Variants in DTD1 observed in about 807,000 individuals in gnomAD.
The protein encoded by DTD1 is D-aminoacyl-tRNA deacylase 1.
DTD1 carries 13 observed loss-of-function variants against 25.6 expected under a neutral mutation model. That is an observed-to-expected ratio of 0.51 (90% confidence interval 0.33 to 0.81). DTD1 has a LOEUF of 0.81. DTD1 is among the 30% of genes least tolerant of loss of function. DTD1 has a pLI of 0.02. For synonymous variants in DTD1, 110 were observed against 103.6 expected, an observed-to-expected ratio of 1.06 and a Z score of -0.37; for missense variants, 193 against 266.4, an observed-to-expected ratio of 0.72 and a Z score of 1.92.
intron 2 of DTD1, 147 bp downstream of exon 2, chr20:18,593,968 T>A: frequency 1.5e-6 from 1 of 674,394 alleles, no homozygotes; most frequent in Non-Finnish European, 2.7e-6. Context: ...ATCTCCGTGT[T>A]TCAGAGAAGA....
In DTD1 at chr20:18,688,780, G is replaced by A. The variant is rs145226768; in HGVS notation, c.478-55320G>A. 2.9e-3 allele frequency among the ~76,000 whole-genome samples: 446 copies of A among 152,254 alleles called. 6 individuals carry two copies. The highest frequency in any genetic ancestry group is 0.019 in the Admixed American group (293 of 15,300). On this transcript the variant is annotated intron_variant, in intron 4 of 5. Transcript: ENST00000377452. ...AGAGCCAAGATCTCCTTCCAGGAAT[G>A]TGGTGTTTAATTGGGTAACCCGTGT...
At chr20:18,716,641 G>T (rs2061181905) in intron 4 of DTD1, among the ~76,000 whole-genome samples, 1 of 152,318 alleles carries the variant, frequency 6.6e-6, no homozygotes, top group East Asian at 1.9e-4. Context: ...CTGTGGTGTT[G>T]TAAATTTCAA....
chr20:18,658,330 C>CTT (rs1401329441), intron 4 of DTD1, among the ~76,000 whole-genome samples: 1 of 140,798 alleles, frequency 7.1e-6, no homozygotes. Flanking sequence ...TACTTAATTT[C>CTT]TTTTTTTTTT....
intron 4 of DTD1, among the ~76,000 whole-genome samples, chr20:18,738,783 C>T (rs73268454): frequency 0.025 from 3,806 of 152,076 alleles, 142 homozygotes; most frequent in African/African-American, 0.085. Context: ...TGAGTAGCTG[C>T]GGTGTAGGCA....
At chr20:18,761,652 A>C (rs2061363342) in intron 5 of DTD1, among the ~76,000 whole-genome samples, 1 of 152,234 alleles carries the variant, frequency 6.6e-6, no homozygotes, top group Non-Finnish European at 1.5e-5. Flanking sequence ...GTAAAAGAAA[A>C]ATACGTTCAA....
intron 4 of DTD1, among the ~76,000 whole-genome samples, chr20:18,680,932 G>A (rs1243909273): frequency 2.0e-5 from 3 of 152,112 alleles, no homozygotes; most frequent in African/African-American, 7.2e-5. Context: ...AGCTGTTACT[G>A]CGTCCCCAGG....
At chr20:18,612,573 G>A (rs1391632593) in intron 3 of DTD1, among the ~76,000 whole-genome samples, 1 of 152,164 alleles carries the variant, frequency 6.6e-6, no homozygotes, top group Non-Finnish European at 1.5e-5. Context: ...CGAACCAGCA[G>A]CTGTCTCTAG....
In DTD1 at chr20:18,757,890, C is replaced by G. The variant is rs1205669446; in HGVS notation, c.*20-5470C>G. On this transcript the variant is annotated intron_variant, in intron 5 of 5. Transcript: ENST00000377452. ...CCTCTGGTAGGATTCAGCTGTGAAT[C>G]CATCTGGTCCTGGACTTTTTTTGGT... Among the ~76,000 whole-genome samples the G allele has an allele frequency of 2.0e-5, 3 of 152,184 alleles. No individual in the cohort carries two copies. In the East Asian group the frequency reaches 5.8e-4, roughly 29 times the overall value.
At chr20:18,757,532 T>TA (rs1226086281) in intron 5 of DTD1, among the ~76,000 whole-genome samples, 22 of 152,368 alleles carry the variant, frequency 1.4e-4, no homozygotes, top group African/African-American at 5.0e-4. Context: ...GAGATAATCA[T>TA]GTGGTTTTTG....
chr20:18,634,106 C>G (rs2060798508), intron 4 of DTD1, among the ~76,000 whole-genome samples: 1 of 152,234 alleles, frequency 6.6e-6, no homozygotes, highest in African/African-American at 2.4e-5. Flanking sequence ...GTAGGAACAT[C>G]CTGCTTATTA....
intron 4 of DTD1, among the ~76,000 whole-genome samples, chr20:18,676,179 A>G (rs914142275): frequency 2.0e-5 from 3 of 152,102 alleles, no homozygotes; most frequent in African/African-American, 2.4e-5. Context: ...CAGACCTGTA[A>G]TGCTGGGGTA....
At chr20:18,600,322 G>A (rs1600308787) in intron 3 of DTD1, among the ~76,000 whole-genome samples, 1 of 151,788 alleles carries the variant, frequency 6.6e-6, no homozygotes, top group East Asian at 1.9e-4. Context: ...TTTTGTATGT[G>A]GATATCCAGT....
chr20:18,754,759 A>G (rs16979602), intron 5 of DTD1, among the ~76,000 whole-genome samples: 5,567 of 152,324 alleles, frequency 0.037, 217 homozygotes, highest in African/African-American at 0.091. Flanking sequence ...TCAAGAAAAT[A>G]GGAAGAGACA....
intron 3 of DTD1, among the ~76,000 whole-genome samples, chr20:18,603,710 C>T (rs200839352): frequency 4.5e-5 from 6 of 133,600 alleles, no homozygotes; most frequent in South Asian, 2.3e-4. Context: ...GAAATAAAGA[C>T]GTTCTTTGAA....
intron 4 of DTD1, among the ~76,000 whole-genome samples, chr20:18,717,135 A>G (rs1368153743): frequency 1.3e-5 from 2 of 152,224 alleles, no homozygotes; most frequent in Non-Finnish European, 2.9e-5. Context: ...TGAAAAATAC[A>G]CAAGAACCAG....
At chr20:18,713,616 G>A (rs569039617) in intron 4 of DTD1, among the ~76,000 whole-genome samples, 4 of 152,300 alleles carry the variant, frequency 2.6e-5, no homozygotes, top group East Asian at 1.9e-4. Flanking sequence ...TCTTCTGACC[G>A]TATCCTCCGT....
intron 3 of DTD1, among the ~76,000 whole-genome samples, chr20:18,619,207 C>G (rs6045513): frequency 0.14 from 21,957 of 152,112 alleles, 1,701 homozygotes; most frequent in Admixed American, 0.2. Context: ...TTTATACATG[C>G]TATGAGTTGC....
chr20:18,673,906 GTT>G (rs11476959), intron 4 of DTD1, among the ~76,000 whole-genome samples: 79 of 147,008 alleles, frequency 5.4e-4, no homozygotes, highest in Middle Eastern at 3.4e-3. Context: ...CCCTATGTTA[GTT>G]TTTTTTTTTT....
At chr20:18,711,021 G>A (rs908895228) in intron 4 of DTD1, among the ~76,000 whole-genome samples, 1 of 152,170 alleles carries the variant, frequency 6.6e-6, no homozygotes, top group Non-Finnish European at 1.5e-5. Context: ...GTTACTTTGG[G>A]TCTGGATCTT....
Sources: allele counts gnomAD v4.1 joint callset (sites outside exome capture counted in the v4.1 genomes callset), GRCh38; gene constraint gnomAD v4.1.1; transcripts MANE v1.5; gene names NCBI Gene and HGNC (gene_info 2026-07-23, HGNC 2026-07-21).